Variants in IL6R observed in about 807,000 individuals in gnomAD.
IL6R encodes the protein interleukin 6 receptor.
A neutral mutation model predicts 48.3 loss-of-function variants in IL6R; 38 were observed. That is an observed-to-expected ratio of 0.79 (90% CI 0.61 to 1.03). IL6R has a LOEUF of 1.03. Among genes scored for constraint, IL6R ranks in the 50% least tolerant of loss-of-function variants. IL6R has a pLI of 0.00. For synonymous variants in IL6R, 264 were observed against 256.2 expected (o/e 1.03, Z -0.29); for missense variants, 534 against 618.3 (o/e 0.86, Z 1.45).
In IL6R at chr1:154,465,411, T is replaced by C. The variant is rs1378308031; in HGVS notation, c.*31T>C. 1.2e-6 allele frequency: 2 copies of C among 1,612,226 alleles called. No individual in the cohort carries two copies. Among genetic ancestry groups the C allele is most frequent in the Non-Finnish European group, 1.7e-6 (2 of 1,178,516 alleles). On this transcript the variant is annotated 3_prime_UTR_variant, in exon 10 of 10. Transcript: ENST00000368485. ...TGGGTGGCACCAGCAGCCTGGACCC[T>C]GTGGATGATAAAACACAAACGGGCT... is the stretch of plus-strand genomic sequence containing the variant.
At position 154,405,532 on chromosome 1, in the gene IL6R, C is replaced by G; in HGVS notation, c.-98C>G. The G allele has an allele frequency of 2.4e-6, 1 of 412,046 alleles. No individual in the cohort carries two copies. The allele number at this position is 412,046 out of a possible 1,614,324, so 25.5% of individuals were successfully genotyped here. On this transcript the variant is annotated 5_prime_UTR_variant, in exon 1 of 10. Coordinates refer to ENST00000368485, the MANE Select transcript of IL6R (RefSeq NM_000565.4). The surrounding 1 kb of genome is among the most constrained non-coding windows in gnomAD (Gnocchi z 5.2). The stretch of plus-strand genomic sequence containing the variant: ...CCCCCGGGGCCTGAGCCCGCCTGCC[C>G]GCCCACCGCCCCGCCCCGCCCCTGC...
chr1:154,408,510 C>T (rs1687856859), intron 1 of IL6R, among the ~76,000 whole-genome samples: 1 of 152,130 alleles, frequency 6.6e-6, no homozygotes. Flanking sequence ...AACAGATTGT[C>T]TGGCTTGGGG....
intron 1 of IL6R, among the ~76,000 whole-genome samples, chr1:154,425,870 G>A (rs973095560): frequency 2.0e-5 from 3 of 149,958 alleles, no homozygotes; most frequent in Non-Finnish European, 4.4e-5. Context: ...GCTTGAGGCC[G>A]GGAGTTGAAG....
chr1:154,447,460 T>TACAC lies in IL6R; in HGVS notation c.950-664_950-663insCACA, dbSNP rs1558323465. Among the ~76,000 whole-genome samples, 356 of 78,204 alleles carry TACAC rather than the reference T, an allele frequency of 4.6e-3. 15 individuals are homozygous for TACAC. Among genetic ancestry groups the TACAC allele is most frequent in the African/African-American group, 0.027 (344 of 12,652 alleles). The allele number at this position is 78,204 out of a possible 152,430, so 51.3% of individuals were successfully genotyped here. A position where few individuals can be genotyped will look rare whatever the true frequency, so the allele number is the denominator to read the frequency against. ...TCTCAAAAAAAAAAAAAAAAATATATATATATATATATATATACACACACA... is the reference window on the plus strand; with the variant it reads ...TCTCAAAAAAAAAAAAAAAAATATATACACATATATATATATATATACACACACA... On this transcript the variant is annotated intron_variant, in intron 6 of 9. Coordinates refer to ENST00000368485, the MANE Select transcript of IL6R (RefSeq NM_000565.4).
chr1:154,455,459 T>TC (rs1326207681), intron 9 of IL6R, among the ~76,000 whole-genome samples: 2 of 146,632 alleles, frequency 1.4e-5, no homozygotes, highest in African/African-American at 2.5e-5. Context: ...TCTTTTCTTT[T>TC]TTTTTTTTTT....
chr1:154,448,249 T>C (rs943423888), intron 7 of IL6R, 78 bp downstream of exon 7: 12 of 1,180,908 alleles, frequency 1.0e-5, no homozygotes, highest in African/African-American at 1.5e-5. Flanking sequence ...CAGACCGAAT[T>C]TGGTTTAAAT....
chr1:154,449,924 A>G lies in IL6R; in HGVS notation c.1010A>G (p.Asn337Ser). 4 of 1,607,870 alleles carry G rather than the reference A, an allele frequency of 2.5e-6. No individual in the cohort carries two copies. The highest frequency in any genetic ancestry group is 2.6e-6 in the Non-Finnish European group (3 of 1,174,344). The change falls in exon 8 of 10, where the codon AAT becomes AGT. Residue 337 changes from asparagine (N) to serine (S), a missense_variant. Physicochemically the swap from Asn to Ser is conservative, Grantham distance 46. Coordinates refer to ENST00000368485, the MANE Select transcript of IL6R (RefSeq NM_000565.4). ...VSTPMQALTT[N>S]KDDDNILFRD... ...TGTCTCTTTTAGGCACTTACTACTA[A>G]TAAAGACGATGATAATATTCTCTTC...
chr1:154,418,469 G>A (rs998809477), intron 1 of IL6R: 1 of 946,858 alleles, frequency 1.1e-6, no homozygotes, highest in East Asian at 1.2e-4. Context: ...GCAGGTACAA[G>A]AAGTACAAAT....
chr1:154,448,875 C>CTTAT (rs55844786), intron 7 of IL6R, among the ~76,000 whole-genome samples: 1 of 73,306 alleles, frequency 1.4e-5, no homozygotes, highest in Non-Finnish European at 2.7e-5. Flanking sequence ...CTTGTAAGGG[C>CTTAT]TTTTTTTTTT....
In IL6R at chr1:154,448,224, A is replaced by G. The variant is rs919507398; in HGVS notation, c.996+53A>G. On this transcript the variant is annotated intron_variant, in intron 7 of 9. Coordinates refer to ENST00000368485, the MANE Select transcript of IL6R (RefSeq NM_000565.4). ...AGGGCTGCAGCACCTCGTGTTTAGG[A>G]GTGTGGGCTGATGCCAGACCGAATT... 3 of 1,476,254 alleles carry G rather than the reference A, an allele frequency of 2.0e-6. No individual in the cohort carries two copies. The African/African-American group carries it at 4.2e-5, about 20-fold the overall frequency. 91.4% of individuals were successfully genotyped at this position (1,476,254 alleles called of 1,614,324 possible).
chr1:154,420,781 C>A (rs1293199767), intron 1 of IL6R, among the ~76,000 whole-genome samples: 2 of 151,996 alleles, frequency 1.3e-5, no homozygotes, highest in Non-Finnish European at 2.9e-5. Context: ...AGTGATCCAC[C>A]CGTCTCAGCC....
intron 9 of IL6R, among the ~76,000 whole-genome samples, chr1:154,464,741 T>C (rs1267287127): frequency 6.6e-6 from 1 of 151,918 alleles, no homozygotes; most frequent in Non-Finnish European, 1.5e-5. Context: ...GGCGGATTGC[T>C]CGAGCCCAGG....
chr1:154,450,144 T>TGTGTGTGTGTGTGTGTGTG (rs1553310169), intron 8 of IL6R, among the ~76,000 whole-genome samples, 164 bp downstream of exon 8: 2 of 61,780 alleles, frequency 3.2e-5, no homozygotes, highest in Non-Finnish European at 7.7e-5. Context: ...GTGTGTGTGT[T>TGTGTGTGTGTGTGTGTGTG]GGAGAGAGTC....
At chr1:154,427,870 T>C (rs139519556) in intron 1 of IL6R, among the ~76,000 whole-genome samples, 1 of 152,194 alleles carries the variant, frequency 6.6e-6, no homozygotes, top group Non-Finnish European at 1.5e-5. Context: ...CAAGAAGGGA[T>C]TTGCAGGCCA....
chr1:154,407,443 C>T (rs1438558036), intron 1 of IL6R, among the ~76,000 whole-genome samples: 1 of 152,120 alleles, frequency 6.6e-6, no homozygotes, highest in African/African-American at 2.4e-5. Flanking sequence ...CCTGAACAGC[C>T]CATGAAAGGC....
rs562469626 is a variant in IL6R at position 154,462,954 on chromosome 1, TGCGCCACG to T, written c.1161-2179_1161-2172del. On this transcript the variant is annotated intron_variant, in intron 9 of 9. Transcript: ENST00000368485. ...TCCCAAGTAGCTGGGATTACAGGCA[TGCGCCACG>T]ACACCCGGCTAATTCTTTTTTAGTA... Among the ~76,000 whole-genome samples, 33 of 152,246 alleles carry T rather than the reference TGCGCCACG, an allele frequency of 2.2e-4. No homozygotes were observed. In the East Asian group the frequency reaches 6.2e-3, roughly 29 times the overall value.
intron 1 of IL6R, chr1:154,418,398 GTC>G: frequency 1.0e-6 from 1 of 984,662 alleles, no homozygotes; most frequent in Non-Finnish European, 1.2e-6. Flanking sequence ...GCAGTGTACA[GTC>G]CATCGTGTGG....
intron 3 of IL6R, among the ~76,000 whole-genome samples, chr1:154,432,638 G>A (rs940450796): frequency 2.0e-5 from 3 of 152,220 alleles, no homozygotes; most frequent in Non-Finnish European, 2.9e-5. Flanking sequence ...GATTACAGGC[G>A]TGAGCCACCG....
chr1:154,454,433 T>C, intron 8 of IL6R, 55 bp from the exon 9 acceptor site: 4 of 1,183,870 alleles, frequency 3.4e-6, no homozygotes, highest in Admixed American at 1.9e-5. Flanking sequence ...CTCCTATTCC[T>C]TTTTCTCCAT....
Sources: gnomAD v4.1 joint callset for allele counts (sites outside exome capture counted in the v4.1 genomes callset) on GRCh38, gnomAD v4.1.1 for gene constraint, Gnocchi (gnomAD v3.1) non-coding constraint, MANE v1.5 for transcripts, NCBI Gene and HGNC (gene_info 2026-07-23, HGNC 2026-07-21) for gene names.